NIPBL: variants seen among roughly 807,000 people sequenced by gnomAD.
The protein encoded by NIPBL is NIPBL cohesin loading factor, also known as nipped-B-like protein.
Under a neutral mutation model 321.8 loss-of-function variants are expected in NIPBL, and 19 were observed. The ratio of observed to expected loss-of-function variants is 0.06; its 90% CI spans 0.04 to 0.09. The LOEUF is 0.09. Among genes scored for constraint, NIPBL ranks in the 10% least tolerant of loss-of-function variants. The pLI, the probability that NIPBL is intolerant of heterozygous loss-of-function variation, is 1.00. For synonymous variants in NIPBL, 1,106 were observed against 1,114.1 expected, an observed-to-expected ratio of 0.99 and a Z score of 0.14; for missense variants, 2,210 against 3,327.0, an observed-to-expected ratio of 0.66 and a Z score of 8.26.
At position 36,901,566 on chromosome 5, in the gene NIPBL, A is replaced by G. The variant is rs894860816; in HGVS notation, c.-80+24388A>G. Among the ~76,000 whole-genome samples, 9 of 133,788 alleles carry G rather than the reference A, an allele frequency of 6.7e-5. No individual in the cohort carries two copies. The Admixed American group carries it at 6.9e-4, about 10-fold the overall frequency. 87.8% of individuals were successfully genotyped at this position (133,788 alleles called of 152,430 possible). A position where few individuals can be genotyped will look rare whatever the true frequency, so the allele number is the denominator to read the frequency against. On this transcript the variant is annotated intron_variant, in intron 1 of 46. Coordinates refer to ENST00000282516, the MANE Select transcript of NIPBL (RefSeq NM_133433.4). ...CTCTTGTTGCCCAAGCTGGAGTGCAATGGCACGATCTTGGCTCACTGCAAC... is the reference window on the plus strand; with the variant it reads ...CTCTTGTTGCCCAAGCTGGAGTGCAGTGGCACGATCTTGGCTCACTGCAAC...
intron 1 of NIPBL, among the ~76,000 whole-genome samples, chr5:36,879,579 G>C (rs1021104468): frequency 6.6e-6 from 1 of 152,154 alleles, no homozygotes; most frequent in African/African-American, 2.4e-5. Flanking sequence ...TTTCCCTAAA[G>C]AGTGTAGAGT....
intron 40 of NIPBL, 47 bp downstream of exon 40, chr5:37,049,348 G>C: frequency 1.3e-6 from 2 of 1,572,558 alleles, no homozygotes; most frequent in Non-Finnish European, 1.8e-6. Context: ...AGCAAGATTA[G>C]TTGTAATTTG....
intron 1 of NIPBL, among the ~76,000 whole-genome samples, chr5:36,951,423 C>T (rs1471799724): frequency 6.6e-6 from 1 of 152,006 alleles, no homozygotes; most frequent in African/African-American, 2.4e-5. Context: ...TGGCAGTGTA[C>T]GTGTACAACA....
chr5:37,036,344 T>C (rs1174448669), intron 32 of NIPBL, 35 bp from the exon 33 acceptor site: 4 of 458,730 alleles, frequency 8.7e-6, no homozygotes, highest in Non-Finnish European at 1.2e-5. Flanking sequence ...TGTATATATA[T>C]ATGTATATAT....
chr5:37,008,085 T>G lies in NIPBL; in HGVS notation c.4317T>G (p.Thr1439=), dbSNP rs746550826. The part of the protein sequence containing the change: ...ELQLCAIKLV[T]AVFSRYEKHR... ...AGTTGTGTGCCATTAAGTTAGTCAC[T>G]GCAGTAAGTATAATCAATTTGTATT... The change falls in exon 19 of 47, where the codon ACT becomes ACG. Residue 1439 remains threonine (T), a synonymous_variant. Transcript: ENST00000282516. 65 of 1,585,108 alleles carry G rather than the reference T, an allele frequency of 4.1e-5. No individual in the cohort carries two copies. Among genetic ancestry groups the G allele is most frequent in the Non-Finnish European group, 5.5e-5 (64 of 1,153,994 alleles).
At chr5:36,942,468 G>A (rs573682720) in intron 1 of NIPBL, among the ~76,000 whole-genome samples, 3 of 145,454 alleles carry the variant, frequency 2.1e-5, no homozygotes, top group East Asian at 2.0e-4. Flanking sequence ...GGCCAGGTGC[G>A]GTGGCTAACG....
rs186140730 is a variant in NIPBL, at chr5:37,064,734, C to T, written c.8257C>T (p.Arg2753Cys). The stretch of plus-strand genomic sequence containing the variant: ...CAGTGGCTCCTGGACTGAGGCTAAG[C>T]GCCGTGATGGCCGCAAACTGGTGCC... The part of the protein sequence containing the change: ...SYSGSWTEAK[R>C]RDGRKLVPWV... The change falls in exon 47 of 47, where the codon CGC becomes TGC. Residue 2753 changes from arginine (R) to cysteine (C), a missense_variant. This residue lies in a region of NIPBL where 159 missense variants were observed against 319.2 expected (regional missense o/e 0.50). Coordinates refer to ENST00000282516, the MANE Select transcript of NIPBL (RefSeq NM_133433.4). 9 of 1,614,132 alleles carry T rather than the reference C, an allele frequency of 5.6e-6. No homozygotes were observed. Among genetic ancestry groups the T allele is most frequent in the African/African-American group, 1.3e-5 (1 of 75,024 alleles).
chr5:36,977,259 A>G lies in NIPBL; in HGVS notation c.1495+857A>G, dbSNP rs571088130. ...CTTTATGATTTAATTTTATGATTAA[A>G]ATATTTTAGGTTGATTTTCAGTTCT... On this transcript the variant is annotated intron_variant, in intron 9 of 46. Coordinates refer to ENST00000282516, the MANE Select transcript of NIPBL (RefSeq NM_133433.4). 6.6e-5 allele frequency among the ~76,000 whole-genome samples: 10 copies of G among 152,152 alleles called. No homozygotes were observed. In the South Asian group the frequency reaches 1.9e-3, roughly 28 times the overall value.
At chr5:36,965,332 TACTC>T (rs1364598559) in intron 6 of NIPBL, among the ~76,000 whole-genome samples, 5 of 152,108 alleles carry the variant, frequency 3.3e-5, no homozygotes, top group Non-Finnish European at 7.4e-5. Context: ...AATGGAATAT[TACTC>T]AGCCATAAAA....
chr5:37,027,509 C>T (rs1412337464), intron 32 of NIPBL, 97 bp downstream of exon 32: 2 of 831,988 alleles, frequency 2.4e-6, no homozygotes, highest in Non-Finnish European at 4.0e-6. Context: ...TTTAAAAGAA[C>T]CTTTTTAGTT....
chr5:37,059,440 G>A (rs920782703), intron 44 of NIPBL, among the ~76,000 whole-genome samples: 2 of 152,176 alleles, frequency 1.3e-5, no homozygotes, highest in Non-Finnish European at 2.9e-5. Context: ...CTGGGAGGCG[G>A]AGATTGCAGT....
At chr5:37,027,913 C>T (rs927233509) in intron 32 of NIPBL, among the ~76,000 whole-genome samples, 1 of 152,154 alleles carries the variant, frequency 6.6e-6, no homozygotes, top group Admixed American at 6.5e-5. Flanking sequence ...GCCACTGCGC[C>T]TGGCCTTCAG....
chr5:36,918,370 A>T (rs900746199), intron 1 of NIPBL, among the ~76,000 whole-genome samples: 1 of 152,100 alleles, frequency 6.6e-6, no homozygotes, highest in African/African-American at 2.4e-5. Context: ...TTGCACATTG[A>T]TTTTGTATCC....
At chr5:36,977,109 A>G (rs1743563618) in intron 9 of NIPBL, among the ~76,000 whole-genome samples, 2 of 152,046 alleles carry the variant, frequency 1.3e-5, no homozygotes, top group Non-Finnish European at 2.9e-5. Context: ...TTTGGTATAC[A>G]CTGTATACAA....
chr5:37,002,775 C>T lies in NIPBL; in HGVS notation c.3768+10C>T. Reference sequence around the variant, plus strand: ...GGGTATAATGGATAAGGTATCTCACCAAAGTAAAATTTATAAATTTACTTC... The same window carrying T: ...GGGTATAATGGATAAGGTATCTCACTAAAGTAAAATTTATAAATTTACTTC... On this transcript the variant is annotated intron_variant, in intron 15 of 46. Coordinates refer to ENST00000282516, the MANE Select transcript of NIPBL (RefSeq NM_133433.4). 2 of 1,422,960 alleles carry T rather than the reference C, an allele frequency of 1.4e-6. No individual in the cohort carries two copies. The highest frequency in any genetic ancestry group is 2.0e-6 in the Non-Finnish European group (2 of 1,009,622). The allele number at this position is 1,422,960 out of a possible 1,614,324, so 88.1% of individuals were successfully genotyped here. A position where few individuals can be genotyped will look rare whatever the true frequency, so the allele number is the denominator to read the frequency against.
intron 1 of NIPBL, among the ~76,000 whole-genome samples, chr5:36,930,107 A>G (rs1423245806): frequency 6.6e-6 from 1 of 151,672 alleles, no homozygotes; most frequent in Non-Finnish European, 1.5e-5. Context: ...ATTTCTATGG[A>G]AAAAAAACAG....
At position 37,007,379 on chromosome 5, in the gene NIPBL, G is replaced by GTAA. The variant is rs1747564169; in HGVS notation, c.4147_4149dup (p.Ile1383dup). 6.2e-7 allele frequency: 1 copy of GTAA among 1,611,488 alleles called. No individual in the cohort carries two copies. The highest frequency in any genetic ancestry group is 8.5e-7 in the Non-Finnish European group (1 of 1,178,224). ...TAAATGTTCTACCCATAAGCAGAGAGTAATAGTAATGCTTTATAACAAAGT... is the reference window on the plus strand; with the variant it reads ...TAAATGTTCTACCCATAAGCAGAGAGTAATAATAGTAATGCTTTATAACAAAGT... On this transcript the variant is annotated inframe_insertion, in exon 18 of 47. Coordinates refer to ENST00000282516, the MANE Select transcript of NIPBL (RefSeq NM_133433.4).
chr5:36,955,773 A>G lies in NIPBL; in HGVS notation c.230+136A>G. The G allele has an allele frequency of 4.4e-6, 3 of 681,798 alleles. No homozygotes were observed. The South Asian group carries it at 5.1e-5, about 12-fold the overall frequency. 42.2% of individuals were successfully genotyped at this position (681,798 alleles called of 1,614,324 possible). On this transcript the variant is annotated intron_variant, in intron 3 of 46. Transcript: ENST00000282516. ...TAAAAATATCCATATCCGAGGGAGAATATAGTCTTATTGCAATAATAGATT... is the reference window on the plus strand; with the variant it reads ...TAAAAATATCCATATCCGAGGGAGAGTATAGTCTTATTGCAATAATAGATT...
intron 9 of NIPBL, among the ~76,000 whole-genome samples, chr5:36,981,908 G>A (rs567554505): frequency 1.3e-5 from 2 of 151,934 alleles, no homozygotes; most frequent in East Asian, 3.9e-4. Flanking sequence ...CACTCAGCCT[G>A]TATTGTGGTT....
Sources: allele counts gnomAD v4.1 joint callset (sites outside exome capture counted in the v4.1 genomes callset), GRCh38; gene constraint gnomAD v4.1.1; regional missense constraint gnomAD v4.1.1; transcripts MANE v1.5; gene names NCBI Gene and HGNC (gene_info 2026-07-23, HGNC 2026-07-21).